The following CNNM3 variants were observed in gnomAD, a reference collection of about 807,000 sequenced individuals.
The protein encoded by CNNM3 is metal transporter CNNM3.
In CNNM3, 47 loss-of-function variants were observed where a neutral mutation model predicts 57.1. The observed-to-expected ratio is 0.82, with a 90% CI of 0.65 to 1.05. The LOEUF (loss-of-function observed/expected upper bound fraction) is 1.05, where lower values mean the gene tolerates loss of function less well. CNNM3 is among the 50% of genes least tolerant of loss of function. The probability of loss-of-function intolerance (pLI) is 0.00; values close to 1 mark genes in which losing one functional copy is unlikely to be tolerated. For missense variants in CNNM3, 957 were observed against 973.7 expected, an observed-to-expected ratio of 0.98 and a Z score of 0.23; for synonymous variants, 507 against 478.2, an observed-to-expected ratio of 1.06 and a Z score of -0.79.
chr2:96,817,907 G>A (rs1312221921), intron 1 of CNNM3, among the ~76,000 whole-genome samples: 1 of 152,182 alleles, frequency 6.6e-6, no homozygotes, highest in African/African-American at 2.4e-5. Context: ...TAGTCTCCAG[G>A]TATCTGGGAT....
In CNNM3 at chr2:96,832,873, A is replaced by C; in HGVS notation, c.*257A>C. Reference sequence around the variant, plus strand: ...GCCCGCCTCAGGAAGGAATGAAAGGAATGCCATCATCTCTAGTTCCCAGGG... The same window carrying C: ...GCCCGCCTCAGGAAGGAATGAAAGGCATGCCATCATCTCTAGTTCCCAGGG... On this transcript the variant is annotated 3_prime_UTR_variant, in exon 8 of 8. Coordinates refer to ENST00000305510, the MANE Select transcript of CNNM3 (RefSeq NM_017623.5). 1 of 1,493,372 alleles carries C rather than the reference A, an allele frequency of 6.7e-7. No individual in the cohort carries two copies. Among genetic ancestry groups the C allele is most frequent in the South Asian group, 1.2e-5 (1 of 82,864 alleles). The allele number at this position is 1,493,372 out of a possible 1,614,324, so 92.5% of individuals were successfully genotyped here.
chr2:96,829,189 C>G (rs1219751189), intron 7 of CNNM3, 55 bp downstream of exon 7: 2 of 1,590,084 alleles, frequency 1.3e-6, no homozygotes, highest in Non-Finnish European at 1.7e-6. Flanking sequence ...GCCGTGAGCT[C>G]ACACACACAG....
At chr2:96,818,461 G>A (rs2079358781) in intron 1 of CNNM3, among the ~76,000 whole-genome samples, 3 of 147,742 alleles carry the variant, frequency 2.0e-5, no homozygotes, top group Admixed American at 6.8e-5. Flanking sequence ...ATTTTGCCCA[G>A]CCTGGTCTCG....
rs538333405 is a variant in CNNM3, at chr2:96,825,014, G to C, written c.1226-44G>C. 195 of 1,608,456 alleles carry C rather than the reference G, an allele frequency of 1.2e-4. 1 individual carries two copies. The highest frequency in any genetic ancestry group is 2.8e-4 in the African/African-American group (21 of 74,884). ...ATACCAGGGGAGATGAATCAAACTG[G>C]GGGGGGCCCAGCAAGCTGTTCCATG... On this transcript the variant is annotated intron_variant, in intron 1 of 7. Transcript: ENST00000305510.
At chr2:96,824,996 G>T in intron 1 of CNNM3, 62 bp from the exon 2 acceptor site, 1 of 1,598,382 alleles carries the variant, frequency 6.3e-7, no homozygotes, top group Non-Finnish European at 8.5e-7. Context: ...CCTATACCAG[G>T]GGAGATGAAT....
At chr2:96,827,639 C>T (rs2079531292) in intron 3 of CNNM3, 92 bp from the exon 4 acceptor site, 1 of 1,341,300 alleles carries the variant, frequency 7.5e-7, no homozygotes, top group Non-Finnish European at 1.0e-6. Context: ...CCCTGGTGGG[C>T]ACAATAACTT....
At chr2:96,826,019 T>C (rs1345741475) in intron 2 of CNNM3, among the ~76,000 whole-genome samples, 13 of 152,196 alleles carry the variant, frequency 8.5e-5, no homozygotes, top group Non-Finnish European at 1.9e-4. Flanking sequence ...CCGGGCCGCC[T>C]GCCCTGCATG....
Position 96,834,109 on chromosome 2 carries a change from G to C in CNNM3, c.*1493G>C, listed in dbSNP as rs981146132. Among the ~76,000 whole-genome samples, 26 of 151,740 alleles carry C rather than the reference G, an allele frequency of 1.7e-4. No homozygotes were observed. Among genetic ancestry groups the C allele is most frequent in the African/African-American group, 5.3e-4 (22 of 41,296 alleles). Reference sequence around the variant, plus strand: ...ATTTTTGTATTTTTAGTAGAGATGGGGTTTCACCATGTTGGCCAGGCTGAT... The same window carrying C: ...ATTTTTGTATTTTTAGTAGAGATGGCGTTTCACCATGTTGGCCAGGCTGAT... On this transcript the variant is annotated 3_prime_UTR_variant, in exon 8 of 8. Transcript: ENST00000305510.
At chr2:96,825,032 G>T (rs371924144) in intron 1 of CNNM3, 26 bp from the exon 2 acceptor site, 149 of 1,611,348 alleles carry the variant, frequency 9.2e-5, no homozygotes, top group Non-Finnish European at 1.2e-4. Flanking sequence ...CCAGCAAGCT[G>T]TTCCATGAGT....
chr2:96,826,611 G>T (rs1241742630), intron 2 of CNNM3, among the ~76,000 whole-genome samples: 2 of 152,188 alleles, frequency 1.3e-5, no homozygotes, highest in Non-Finnish European at 2.9e-5. Flanking sequence ...ATTCTCTTCA[G>T]CCAGCTCCAA....
intron 2 of CNNM3, among the ~76,000 whole-genome samples, chr2:96,826,046 T>G (rs1289026037): frequency 6.6e-6 from 1 of 152,208 alleles, no homozygotes; most frequent in African/African-American, 2.4e-5. Flanking sequence ...GAAGTATCGC[T>G]TTAATCATGC....
intron 3 of CNNM3, among the ~76,000 whole-genome samples, 178 bp from the exon 4 acceptor site, chr2:96,827,553 C>G (rs2079529882): frequency 6.6e-6 from 1 of 152,174 alleles, no homozygotes; most frequent in African/African-American, 2.4e-5. Context: ...CAGGCGTGAG[C>G]CACCGCACCT....
chr2:96,824,430 A>G (rs1451487285), intron 1 of CNNM3: 1 of 152,878 alleles, frequency 6.5e-6, no homozygotes, highest in Non-Finnish European at 1.5e-5. Flanking sequence ...AAAGATACAC[A>G]GACACACACA....
At chr2:96,827,239 G>A (rs904806512) in intron 3 of CNNM3, among the ~76,000 whole-genome samples, 4 of 152,024 alleles carry the variant, frequency 2.6e-5, no homozygotes, top group Non-Finnish European at 4.4e-5. Context: ...TCTCAGCTGG[G>A]CGGATGTGGG....
intron 1 of CNNM3, among the ~76,000 whole-genome samples, chr2:96,820,697 A>T (rs2079392085): frequency 2.0e-5 from 3 of 152,224 alleles, no homozygotes; most frequent in Non-Finnish European, 4.4e-5. Flanking sequence ...TGCCACGGCA[A>T]GGGAGCCATT....
At chr2:96,818,046 T>C (rs7608621) in intron 1 of CNNM3, among the ~76,000 whole-genome samples, 41,412 of 152,156 alleles carry the variant, frequency 0.27, 11,728 homozygotes, top group African/African-American at 0.73. Context: ...TGCGGTAAAG[T>C]CAGGGAAACT....
chr2:96,823,252 G>C (rs924988700), intron 1 of CNNM3, among the ~76,000 whole-genome samples: 1 of 152,218 alleles, frequency 6.6e-6, no homozygotes, highest in East Asian at 1.9e-4. Context: ...AAAGGAGTGA[G>C]TCCCTTTCTG....
Position 96,828,094 on chromosome 2 carries a change from C to G in CNNM3, c.1690-5C>G. The G allele has an allele frequency of 6.2e-7, 1 of 1,613,402 alleles. No individual in the cohort carries two copies. The highest frequency in any genetic ancestry group is 8.5e-7 in the Non-Finnish European group (1 of 1,179,374). On this transcript the variant is annotated splice_polypyrimidine_tract_variant and splice_region_variant and intron_variant, in intron 4 of 7. Transcript: ENST00000305510. ...ATCTGTTTCTCTCCTTGCCACTCCT[C>G]CCAGGGCAGGGTTGAAGTGGAGATC...
At chr2:96,831,928 T>G in intron 7 of CNNM3, 1 of 967,238 alleles carries the variant, frequency 1.0e-6, no homozygotes, top group East Asian at 1.1e-4. Flanking sequence ...CCATTTCTGC[T>G]CAATAGCTTC....
Sources: gnomAD v4.1 joint callset for allele counts (sites outside exome capture counted in the v4.1 genomes callset) on GRCh38, gnomAD v4.1.1 for gene constraint, MANE v1.5 for transcripts, NCBI Gene and HGNC (gene_info 2026-07-23, HGNC 2026-07-21) for gene names.